The following UBR4 variants were observed in gnomAD, a reference collection of about 807,000 sequenced individuals.
UBR4 encodes the protein ubiquitin protein ligase E3 component n-recognin 4.
In UBR4, 124 loss-of-function variants were observed where a neutral mutation model predicts 575.6. The observed-to-expected ratio is 0.22, with a 90% CI of 0.19 to 0.25. UBR4 has a LOEUF of 0.25. Ranked by LOEUF, UBR4 falls within the 10% of genes least tolerant of loss-of-function variation. The probability of loss-of-function intolerance (pLI) is 1.00; values close to 1 mark genes in which losing one functional copy is unlikely to be tolerated. For synonymous variants in UBR4, 2,455 were observed against 2,473.7 expected (o/e 0.99, Z 0.22); for missense variants, 4,818 against 6,478.8 (o/e 0.74, Z 8.80).
chr1:19,195,536 A>C (rs2092399255), intron 8 of UBR4, among the ~76,000 whole-genome samples: 1 of 152,154 alleles, frequency 6.6e-6, no homozygotes, highest in African/African-American at 2.4e-5. Flanking sequence ...TGTGAGGGTA[A>C]TGAAATCCCC....
At position 19,093,524 on chromosome 1, in the gene UBR4, G is replaced by A. The variant is rs200766845; in HGVS notation, c.13938-38C>T. ...AGCAGAGTTTGAGGGTGTGAAAGGC[G>A]GGACAAAACCCAGTCATGTCACCCT... On this transcript the variant is annotated intron_variant, in intron 95 of 105. Coordinates refer to ENST00000375254, the MANE Select transcript of UBR4 (RefSeq NM_020765.3). This position sits in a 1 kb window ranked among gnomAD's most constrained non-coding sequence, Gnocchi z 4.8. The A allele has an allele frequency of 4.0e-4, 647 of 1,602,938 alleles. 4 individuals are homozygous for A. The African/African-American group carries it at 7.7e-3, about 19-fold the overall frequency.
chr1:19,097,144 C>T (rs200183125), intron 91 of UBR4, 49 bp downstream of exon 91: 90 of 1,519,800 alleles, frequency 5.9e-5, no homozygotes, highest in Non-Finnish European at 7.0e-5. Context: ...GGACGTGAGC[C>T]GCTCATGAGT....
rs767388661 is a variant in UBR4, at chr1:19,110,173, C to T, written c.12028G>A (p.Glu4010Lys). The T allele has an allele frequency of 1.2e-6, 2 of 1,614,182 alleles. No individual in the cohort carries two copies. The highest frequency in any genetic ancestry group is 1.7e-6 in the Non-Finnish European group (2 of 1,180,024). Reference sequence around the variant, plus strand: ...CTCAGGCACATGAGGGTAATGTTTTCAACCACCACAGGAGTCTTAATGTTC... The same window carrying T: ...CTCAGGCACATGAGGGTAATGTTTTTAACCACCACAGGAGTCTTAATGTTC... ...AVNIKTPVVV[E>K]NITLMCLRIL... The change falls in exon 81 of 106, where the codon GAA (glutamate) becomes AAA (lysine). Residue 4010 changes from glutamate (E) to lysine (K), a missense_variant. Transcript: ENST00000375254. This position sits in a 1 kb window ranked among gnomAD's most constrained non-coding sequence, Gnocchi z 4.5.
In UBR4 at chr1:19,198,063, T is replaced by C; in HGVS notation, c.649-14A>G. On this transcript the variant is annotated splice_polypyrimidine_tract_variant and intron_variant, in intron 5 of 105. Coordinates refer to ENST00000375254, the MANE Select transcript of UBR4 (RefSeq NM_020765.3). ...TTCTCCTTCCACCTGAAAAGAAACA[T>C]AAGGCCTGTCAAGATACTATTATCT... 1 of 1,611,658 alleles carries C rather than the reference T, an allele frequency of 6.2e-7. No individual in the cohort carries two copies. The highest frequency in any genetic ancestry group is 1.1e-5 in the South Asian group (1 of 91,060).
At chr1:19,136,660 T>A (rs1021789086) in intron 60 of UBR4, among the ~76,000 whole-genome samples, 2 of 152,128 alleles carry the variant, frequency 1.3e-5, no homozygotes, top group Non-Finnish European at 2.9e-5. Flanking sequence ...GCAATCAACA[T>A]TAATTATAAA....
rs752522471 is a variant in UBR4 at position 19,173,005 on chromosome 1, G to A, written c.3380C>T (p.Ala1127Val). The change falls in exon 25 of 106, where the codon GCG becomes GTG. Residue 1127 changes from alanine to valine, a missense_variant. By Grantham distance (64) the Ala-to-Val change is moderately conservative (BLOSUM62 0). Coordinates refer to ENST00000375254, the MANE Select transcript of UBR4 (RefSeq NM_020765.3). ...CAAAGAGACCTGGACCTTTGAGATC[G>A]CGGCATCAAGGGTGTAGATGGACTG... ...SLQSIYTLDA[A>V]ISKVQVSLDE... 140 of 1,614,076 alleles carry A rather than the reference G, an allele frequency of 8.7e-5. No individual in the cohort carries two copies. In the Middle Eastern group the frequency reaches 1.5e-3, roughly 17 times the overall value.
chr1:19,117,553 G>GA lies in UBR4; in HGVS notation c.10630-140_10630-139insT. ...TTTAAAAAATATTTTGTAGAGATGG[G>GA]GTCTCACCATCTTGCCCAGGCTGGT... is the stretch of plus-strand genomic sequence containing the variant. On this transcript the variant is annotated intron_variant, in intron 72 of 105. Transcript: ENST00000375254. The surrounding 1 kb of genome is among the most constrained non-coding windows in gnomAD (Gnocchi z 4.0). The GA allele has an allele frequency of 9.5e-7, 1 of 1,052,154 alleles. No individual in the cohort carries two copies. Among genetic ancestry groups the GA allele is most frequent in the South Asian group, 1.7e-5 (1 of 59,148 alleles). 65.2% of individuals were successfully genotyped at this position (1,052,154 alleles called of 1,614,324 possible).
intron 49 of UBR4, chr1:19,149,845 A>G (rs909357446): frequency 7.8e-7 from 1 of 1,280,558 alleles, no homozygotes; most frequent in Admixed American, 2.6e-5. Context: ...TGTGAAGCTC[A>G]GAGAAACCCG....
chr1:19,121,748 C>CT (rs1274923500), intron 67 of UBR4, among the ~76,000 whole-genome samples, 186 bp downstream of exon 67: 7 of 152,168 alleles, frequency 4.6e-5, no homozygotes, highest in Non-Finnish European at 8.8e-5. Context: ...GCTCCCCAAA[C>CT]TTTGACGACC....
rs1557632510 is a variant in UBR4, at chr1:19,112,685, T to G, written c.11640A>C (p.Thr3880=). The part of the protein sequence containing the change: ...TKCYGCASAV[T]EHCITLLRAL... ...CCCGAAGTAGTGTGATACAATGTTC[T>G]GTGACAGCCGAGGCGCAGCCATAGC... The change falls in exon 78 of 106, where the codon ACA becomes ACC. Residue 3880 remains threonine, a synonymous_variant. Coordinates refer to ENST00000375254, the MANE Select transcript of UBR4 (RefSeq NM_020765.3). 1 of 1,614,150 alleles carries G rather than the reference T, an allele frequency of 6.2e-7. No homozygotes were observed. Among genetic ancestry groups the G allele is most frequent in the South Asian group, 1.1e-5 (1 of 91,094 alleles).
In UBR4 at chr1:19,165,281, A is replaced by C; in HGVS notation, c.4280T>G (p.Val1427Gly). Residue 1427 changes from valine (V) to glycine (G), a missense_variant, in exon 31 of 106, where the codon GTT becomes GGT. Val to Gly is a moderately radical substitution (Grantham distance 109). This residue lies in a region of UBR4 where 1,172 missense variants were observed against 1,259.7 expected (regional missense o/e 0.93). Coordinates refer to ENST00000375254, the MANE Select transcript of UBR4 (RefSeq NM_020765.3). The part of the protein sequence containing the change: ...ENLSAKFCNR[V>G]LKFFTKLFQL... The stretch of plus-strand genomic sequence containing the variant: ...GAAGAGTTTGGTGAAGAATTTCAAA[A>C]CTCGGTTACAGAATTTAGCAGAGAG... The C allele has an allele frequency of 6.2e-7, 1 of 1,614,162 alleles. No individual in the cohort carries two copies. The highest frequency in any genetic ancestry group is 8.5e-7 in the Non-Finnish European group (1 of 1,180,020).
In UBR4 at chr1:19,190,312, A is replaced by AAAAAAAAAAATATATAT; in HGVS notation, c.1394+1875_1394+1876insATATATATTTTTTTTTT. ...TGCCTCAAAAAAAAAAAAAAAAAAA[A>AAAAAAAAAAATATATAT]ATATATATATATATATATTTGTATG... On this transcript the variant is annotated intron_variant, in intron 11 of 105. Transcript: ENST00000375254. 5.7e-3 allele frequency among the ~76,000 whole-genome samples: 455 copies of AAAAAAAAAAATATATAT among 79,620 alleles called. 6 individuals carry two copies. The highest frequency in any genetic ancestry group is 0.023 in the East Asian group (39 of 1,698). The allele number at this position is 79,620 out of a possible 152,430, so 52.2% of individuals were successfully genotyped here.
At position 19,120,745 on chromosome 1, in the gene UBR4, A is replaced by G. The variant is rs868007347; in HGVS notation, c.10142-397T>C. Among the ~76,000 whole-genome samples the G allele has an allele frequency of 4.6e-5, 7 of 152,184 alleles. No individual in the cohort carries two copies. In the South Asian group the frequency reaches 6.2e-4, roughly 14 times the overall value. Reference sequence around the variant, plus strand: ...ATCATTAACTGGGGGAATGTGAACCACCACCATGGCTCTCAACCCTGACCA... The same window carrying G: ...ATCATTAACTGGGGGAATGTGAACCGCCACCATGGCTCTCAACCCTGACCA... On this transcript the variant is annotated intron_variant, in intron 68 of 105. Transcript: ENST00000375254.
chr1:19,113,687 C>T lies in UBR4; in HGVS notation c.11457+12G>A, dbSNP rs143536943. Reference sequence around the variant, plus strand: ...GACAAAACACACCCAAAAGCTGCTCCCCGCTCTCTACCTGGATGATTTTGG... The same window carrying T: ...GACAAAACACACCCAAAAGCTGCTCTCCGCTCTCTACCTGGATGATTTTGG... On this transcript the variant is annotated intron_variant, in intron 77 of 105. Coordinates refer to ENST00000375254, the MANE Select transcript of UBR4 (RefSeq NM_020765.3). 1.5e-4 allele frequency: 241 copies of T among 1,613,988 alleles called. 2 individuals are homozygous for T. The African/African-American group carries it at 2.3e-3, about 15-fold the overall frequency.
rs2076488347 is a variant in UBR4, at chr1:19,081,357, T to G, written c.15225A>C (p.Gly5075=). ...TSQARAVAPG[G]ATRLTDKAVK... is the part of the protein sequence containing the mutation. Reference sequence around the variant, plus strand: ...CGGAAGCAGGTACTGACCTGGTGGCTCCACCTGGAGCCACTGCCCGAGCCT... The same window carrying G: ...CGGAAGCAGGTACTGACCTGGTGGCGCCACCTGGAGCCACTGCCCGAGCCT... Residue 5075 remains glycine, a synonymous_variant, in exon 103 of 106, where the codon GGA becomes GGC. Coordinates refer to ENST00000375254, the MANE Select transcript of UBR4 (RefSeq NM_020765.3). The G allele has an allele frequency of 1.3e-6, 2 of 1,595,708 alleles. No individual in the cohort carries two copies. Among genetic ancestry groups the G allele is most frequent in the Non-Finnish European group, 1.7e-6 (2 of 1,171,808 alleles).
intron 53 of UBR4, among the ~76,000 whole-genome samples, chr1:19,145,392 A>T (rs1317688133): frequency 2.0e-5 from 3 of 152,192 alleles, no homozygotes; most frequent in Non-Finnish European, 4.4e-5. Flanking sequence ...TCAATAGTGT[A>T]AGAAGTTAGA....
intron 28 of UBR4, 67 bp from the exon 29 acceptor site, chr1:19,167,298 G>C: frequency 1.3e-6 from 2 of 1,563,046 alleles, no homozygotes; most frequent in Admixed American, 3.4e-5. Flanking sequence ...AGCAAGGACA[G>C]GGTAATTCAA....
Position 19,126,558 on chromosome 1 carries a change from C to G in UBR4, c.9326G>C (p.Trp3109Ser), listed in dbSNP as rs1001261754. ...CTCCTCGTCATTCTGTTGGCTCTTC[C>G]AATATTCCAGCAGTGATTTGAGCAC... is the stretch of plus-strand genomic sequence containing the variant. Reference protein sequence around the residue: ...LHVLKSLLEYWKSQQNDEEPV... With the variant: ...LHVLKSLLEYSKSQQNDEEPV... The change falls in exon 64 of 106, where the codon TGG (tryptophan) becomes TCG (serine). Residue 3109 changes from tryptophan (W) to serine (S), a missense_variant. Transcript: ENST00000375254. 53 of 1,614,052 alleles carry G rather than the reference C, an allele frequency of 3.3e-5. No individual in the cohort carries two copies. Among genetic ancestry groups the G allele is most frequent in the Non-Finnish European group, 4.4e-5 (52 of 1,180,032 alleles).
At chr1:19,155,150 T>C in intron 43 of UBR4, 75 bp from the exon 44 acceptor site, 2 of 1,581,804 alleles carry the variant, frequency 1.3e-6, no homozygotes, top group Admixed American at 1.7e-5. Context: ...TACTGGTTAT[T>C]ATTTTCAATC....
Sources: gnomAD v4.1 joint callset for allele counts (sites outside exome capture counted in the v4.1 genomes callset) on GRCh38, gnomAD v4.1.1 for gene constraint, gnomAD v4.1.1 regional missense constraint, Gnocchi (gnomAD v3.1) non-coding constraint, MANE v1.5 for transcripts, NCBI Gene and HGNC (gene_info 2026-07-23, HGNC 2026-07-21) for gene names.